The following HNRNPA2B1 variants were observed in gnomAD, a reference collection of about 807,000 sequenced individuals.
HNRNPA2B1 encodes heterogeneous nuclear ribonucleoprotein A2/B1.
Under a neutral mutation model 46.3 loss-of-function variants are expected in HNRNPA2B1, and 3 were observed. The observed-to-expected ratio is 0.06, with a 90% confidence interval of 0.03 to 0.17. The LOEUF (loss-of-function observed/expected upper bound fraction) is 0.17. HNRNPA2B1 is among the 10% of genes least tolerant of loss of function. The pLI, the probability that HNRNPA2B1 is intolerant of heterozygous loss-of-function variation, is 1.00. For missense variants in HNRNPA2B1, 221 were observed against 418.9 expected (o/e 0.53, Z 4.12); for synonymous variants, 225 against 133.8 (o/e 1.68, Z -4.70).
In HNRNPA2B1 at chr7:26,200,743, T is replaced by TACTGCCGCTAGAGCC. The variant is rs1442921468; in HGVS notation, c.-167_-166insGGCTCTAGCGGCAGT. The TACTGCCGCTAGAGCC allele has an allele frequency of 5.9e-5, 49 of 833,650 alleles. No homozygotes were observed. The East Asian group carries it at 1.0e-3, about 18-fold the overall frequency. The allele number at this position is 833,650 out of a possible 1,614,324, so 51.6% of individuals were successfully genotyped here. ...TCCGCACGGGACCCGGCGCTGCTGC[T>TACTGCCGCTAGAGCC]ACTGCCGCTAGAGCCGCTGCCGCCG... On this transcript the variant is annotated 5_prime_UTR_variant, in exon 1 of 11. Coordinates refer to ENST00000618183, the MANE Select transcript of HNRNPA2B1 (RefSeq NM_002137.4).
Position 26,190,695 on chromosome 7 carries a change from A to G in HNRNPA2B1, c.*1665T>C, listed in dbSNP as rs1361580761. On this transcript the variant is annotated 3_prime_UTR_variant, in exon 11 of 11. Coordinates refer to ENST00000618183, the MANE Select transcript of HNRNPA2B1 (RefSeq NM_002137.4). ...TCTTCAGGGTAAGACACTGAACTAGAATTACCACATTTAACCCACCTATTT... is the reference window on the plus strand; with the variant it reads ...TCTTCAGGGTAAGACACTGAACTAGGATTACCACATTTAACCCACCTATTT... 1 of 152,166 alleles carries G rather than the reference A, an allele frequency of 6.6e-6. No homozygotes were observed. The highest frequency in any genetic ancestry group is 2.4e-5 in the African/African-American group (1 of 41,444). The allele number at this position is 152,166 out of a possible 1,614,324, so 9.4% of individuals were successfully genotyped here.
chr7:26,197,275 T>C, intron 3 of HNRNPA2B1, 40 bp downstream of exon 3: 1 of 1,559,452 alleles, frequency 6.4e-7, no homozygotes, highest in Non-Finnish European at 8.7e-7. Flanking sequence ...CAGGGCAGCG[T>C]TCTTCATGTT....
At chr7:26,194,161 C>A (rs1358483316) in intron 7 of HNRNPA2B1, among the ~76,000 whole-genome samples, 1 of 151,958 alleles carries the variant, frequency 6.6e-6, no homozygotes, top group Non-Finnish European at 1.5e-5. Context: ...TTTGGGAAGG[C>A]CGAGGCGGAC....
At chr7:26,195,362 T>A (rs1446288600) in intron 7 of HNRNPA2B1, among the ~76,000 whole-genome samples, 1 of 152,234 alleles carries the variant, frequency 6.6e-6, no homozygotes, top group South Asian at 2.1e-4. Context: ...TCACACTTCA[T>A]GTTTAATGGT....
At position 26,196,874 on chromosome 7, in the gene HNRNPA2B1, C is replaced by T. The variant is rs745559161; in HGVS notation, c.408G>A (p.Gln136=). ...IDTIEIITDR[Q]SGKKRGFGFV... is the part of the protein sequence containing the mutation. ...AGCCAAAGCCTCTTTTCTTTCCAGA[C>T]TGCCTATCAGTAATTATCTCAATGG... The change falls in exon 4 of 11, where the codon CAG becomes CAA. Residue 136 remains glutamine (Q), a synonymous_variant. Coordinates refer to ENST00000618183, the MANE Select transcript of HNRNPA2B1 (RefSeq NM_002137.4). 2.5e-6 allele frequency: 4 copies of T among 1,614,068 alleles called. No individual in the cohort carries two copies. In the Admixed American group the frequency reaches 6.7e-5, roughly 27 times the overall value.
intron 7 of HNRNPA2B1, among the ~76,000 whole-genome samples, chr7:26,194,425 G>GC: frequency 6.6e-6 from 1 of 151,506 alleles, no homozygotes; most frequent in Non-Finnish European, 1.5e-5. Context: ...TTGGCTGGGC[G>GC]CAGCAGCTCA....
intron 1 of HNRNPA2B1, chr7:26,198,604 A>G (rs1783956881): frequency 6.6e-6 from 1 of 152,280 alleles, no homozygotes; most frequent in Non-Finnish European, 1.5e-5. Flanking sequence ...GACAGGCACA[A>G]AACAATTTTC....
chr7:26,196,323 G>A, intron 6 of HNRNPA2B1, 78 bp downstream of exon 6: 1 of 1,182,126 alleles, frequency 8.5e-7, no homozygotes, highest in South Asian at 1.4e-5. Flanking sequence ...TGGATTTCTT[G>A]ATTCTACTAA....
rs931550415 is a variant in HNRNPA2B1, at chr7:26,197,235, C to T, written c.264+80G>A. On this transcript the variant is annotated intron_variant, in intron 3 of 10. Coordinates refer to ENST00000618183, the MANE Select transcript of HNRNPA2B1 (RefSeq NM_002137.4). Reference sequence around the variant, plus strand: ...TAAGAGAAAAAATCTTGAGTTAAAACTAAATTCAGAAATAGTTTCTGATTT... The same window carrying T: ...TAAGAGAAAAAATCTTGAGTTAAAATTAAATTCAGAAATAGTTTCTGATTT... 1.0e-5 allele frequency: 15 copies of T among 1,469,790 alleles called. No homozygotes were observed. In the African/African-American group the frequency reaches 1.1e-4, roughly 11 times the overall value. 91.0% of individuals were successfully genotyped at this position (1,469,790 alleles called of 1,614,324 possible). A position where few individuals can be genotyped will look rare whatever the true frequency, so the allele number is the denominator to read the frequency against.
At chr7:26,199,244 T>G (rs1205238255) in intron 1 of HNRNPA2B1, 1 of 152,638 alleles carries the variant, frequency 6.6e-6, no homozygotes, top group East Asian at 1.9e-4. Flanking sequence ...ACAATGTTAT[T>G]TTATAAACGT....
In HNRNPA2B1 at chr7:26,196,503, GAAGC is replaced by G. The variant is rs748885580; in HGVS notation, c.578-26_578-23del. 1.9e-6 allele frequency: 3 copies of G among 1,613,656 alleles called. No individual in the cohort carries two copies. In the African/African-American group the frequency reaches 4.0e-5, roughly 22 times the overall value. On this transcript the variant is annotated intron_variant, in intron 5 of 10. Coordinates refer to ENST00000618183, the MANE Select transcript of HNRNPA2B1 (RefSeq NM_002137.4). Reference sequence around the variant, plus strand: ...TTGCCTACAATAAATGCCCCAGTTAGAAGCAAGCCCTTATATATGAACAAAAATA... The same window carrying G: ...TTGCCTACAATAAATGCCCCAGTTAGAAGCCCTTATATATGAACAAAAATA...
chr7:26,197,573 C>CA, intron 2 of HNRNPA2B1, 49 bp downstream of exon 2: 1 of 1,563,242 alleles, frequency 6.4e-7, no homozygotes, highest in Non-Finnish European at 8.8e-7. Context: ...ATTCACTTAA[C>CA]ATACAGCTAA....
intron 1 of HNRNPA2B1, chr7:26,199,792 T>C (rs1471942258): frequency 1.3e-5 from 2 of 152,202 alleles, no homozygotes; most frequent in Non-Finnish European, 1.5e-5. Context: ...ATGGTTTCTT[T>C]GTCCTACGGC....
At chr7:26,199,485 C>T (rs559185651) in intron 1 of HNRNPA2B1, 1 of 152,358 alleles carries the variant, frequency 6.6e-6, no homozygotes, top group East Asian at 1.9e-4. Context: ...CGTTATTTCA[C>T]TTTCCTCGTA....
chr7:26,193,452 A>G, intron 8 of HNRNPA2B1, 79 bp from the exon 9 acceptor site: 1 of 1,538,216 alleles, frequency 6.5e-7, no homozygotes, highest in Non-Finnish European at 8.8e-7. Flanking sequence ...AAAAACAAAT[A>G]AAAGCAAACA....
rs1012836456 is a variant in HNRNPA2B1 at position 26,190,746 on chromosome 7, T to C, written c.*1614A>G. 6.6e-6 allele frequency: 1 copy of C among 152,212 alleles called. No homozygotes were observed. The highest frequency in any genetic ancestry group is 2.4e-5 in the African/African-American group (1 of 41,450). The allele number at this position is 152,212 out of a possible 1,614,324, so 9.4% of individuals were successfully genotyped here. Reference sequence around the variant, plus strand: ...AGTACTGGATACATACCAGGCTTCATAATGCAGACAAGACACTTCACTCAA... The same window carrying C: ...AGTACTGGATACATACCAGGCTTCACAATGCAGACAAGACACTTCACTCAA... On this transcript the variant is annotated 3_prime_UTR_variant, in exon 11 of 11. Transcript: ENST00000618183.
chr7:26,193,473 A>G, intron 8 of HNRNPA2B1, 100 bp from the exon 9 acceptor site: 3 of 1,528,612 alleles, frequency 2.0e-6, no homozygotes, highest in Non-Finnish European at 2.7e-6. Context: ...CTTATCCACA[A>G]ATTTTATGGG....
chr7:26,198,009 A>G (rs1783845014), intron 1 of HNRNPA2B1: 2 of 451,512 alleles, frequency 4.4e-6, no homozygotes. Context: ...TCAACATTAA[A>G]TTATCTTAAA....
rs1216873156 is a variant in HNRNPA2B1 at position 26,197,741 on chromosome 7, G to A, written c.7-9C>T. 11 of 1,606,150 alleles carry A rather than the reference G, an allele frequency of 6.8e-6. No individual in the cohort carries two copies. The highest frequency in any genetic ancestry group is 1.7e-5 in the Admixed American group (1 of 59,200). ...AACTGTTCCTTTTCTCTCTGCAAAG[G>A]AAAATACCATTTCAATTTTTATTTA... On this transcript the variant is annotated splice_polypyrimidine_tract_variant and intron_variant, in intron 1 of 10. Transcript: ENST00000618183.
Sources: gnomAD v4.1 joint callset for allele counts (sites outside exome capture counted in the v4.1 genomes callset) on GRCh38, gnomAD v4.1.1 for gene constraint, MANE v1.5 for transcripts, NCBI Gene and HGNC (gene_info 2026-07-23, HGNC 2026-07-21) for gene names.